Variants in MTCL3 observed in about 807,000 individuals in gnomAD.
MTCL3 encodes the protein MTCL family member 3.
At chr6:127,496,634 G>A in the MTCL3 span, among the ~76,000 whole-genome samples, 1 of 152,196 alleles carries the variant, frequency 6.6e-6, no homozygotes, top group African/African-American at 2.4e-5. Context: ...ATTCCTAGCA[G>A]CATTGTTCAT....
At chr6:127,483,904 A>G in the MTCL3 span, among the ~76,000 whole-genome samples, 1 of 152,208 alleles carries the variant, frequency 6.6e-6, no homozygotes, top group Non-Finnish European at 1.5e-5. Flanking sequence ...GCTGAAACTT[A>G]GCAGGGGAGG....
At chr6:127,506,323 G>T in the MTCL3 span, among the ~76,000 whole-genome samples, 9,797 of 152,140 alleles carry the variant, frequency 0.064, 369 homozygotes, top group East Asian at 0.11. Context: ...TGTACTATAT[G>T]GATTTTCTTC....
chr6:127,513,449 T>G, the MTCL3 span, among the ~76,000 whole-genome samples: 3 of 152,238 alleles, frequency 2.0e-5, no homozygotes, highest in Non-Finnish European at 4.4e-5. Context: ...AAATTTCCTT[T>G]ACTTCAGCAA....
chr6:127,476,587 G>A, the MTCL3 span: 3 of 773,280 alleles, frequency 3.9e-6, no homozygotes, highest in Non-Finnish European at 2.0e-6. The surrounding 1 kb of genome is among the most constrained non-coding windows in gnomAD (Gnocchi z 4.4). Flanking sequence ...TAATGACAGA[G>A]AGAAACAGAA....
At chr6:127,481,775 G>A in the MTCL3 span, among the ~76,000 whole-genome samples, 97 of 152,260 alleles carry the variant, frequency 6.4e-4, 2 homozygotes, top group Middle Eastern at 0.014. Flanking sequence ...TTGAATAGGA[G>A]CTGGGTAAAA....
At chr6:127,475,163 C>T in the MTCL3 span, 1 of 938,082 alleles carries the variant, frequency 1.1e-6, no homozygotes. The surrounding 1 kb of genome is among the most constrained non-coding windows in gnomAD (Gnocchi z 7.3). Flanking sequence ...GTTTCAGGCC[C>T]CAGCGCGGCC....
chr6:127,515,084 C>T, the MTCL3 span: 1 of 1,580,074 alleles, frequency 6.3e-7, no homozygotes, highest in East Asian at 2.2e-5. This position sits in a 1 kb window ranked among gnomAD's most constrained non-coding sequence, Gnocchi z 4.3. Flanking sequence ...AAATCAAACT[C>T]GCTTCCAGCC....
chr6:127,515,710 G>A, the MTCL3 span: 95 of 1,581,670 alleles, frequency 6.0e-5, no homozygotes, highest in Non-Finnish European at 7.9e-5. The surrounding 1 kb of genome is among the most constrained non-coding windows in gnomAD (Gnocchi z 4.3). Flanking sequence ...GACGGCCAGG[G>A]TCTCGCAAAC....
chr6:127,516,041 G>C, the MTCL3 span: 1 of 1,554,690 alleles, frequency 6.4e-7, no homozygotes, highest in Non-Finnish European at 8.6e-7. Context: ...CCCCTGGGCG[G>C]CGGCGGCTGC....
At chr6:127,491,770 C>A in the MTCL3 span, among the ~76,000 whole-genome samples, 3 of 150,538 alleles carry the variant, frequency 2.0e-5, no homozygotes, top group African/African-American at 7.4e-5. Context: ...ACTTAGGAAG[C>A]TGAGCCAGGA....
the MTCL3 span, among the ~76,000 whole-genome samples, chr6:127,485,619 G>T: frequency 2.0e-5 from 3 of 152,110 alleles, no homozygotes; most frequent in Non-Finnish European, 4.4e-5. Flanking sequence ...TCTAGTTCTG[G>T]AAATGTTTTT....
the MTCL3 span, among the ~76,000 whole-genome samples, chr6:127,505,176 T>C: frequency 2.0e-5 from 3 of 152,244 alleles, no homozygotes; most frequent in Non-Finnish European, 2.9e-5. Context: ...TCAGTTGTAA[T>C]TTCTACAGCG....
chr6:127,515,502 C>G, the MTCL3 span: 1 of 1,427,362 alleles, frequency 7.0e-7, no homozygotes. The surrounding 1 kb of genome is among the most constrained non-coding windows in gnomAD (Gnocchi z 4.3). Context: ...CGGGTCCCCC[C>G]ACCCTCCTCA....
At chr6:127,515,754 A>ACTG in the MTCL3 span, 3 of 1,600,306 alleles carry the variant, frequency 1.9e-6, no homozygotes, top group Non-Finnish European at 2.5e-6. The surrounding 1 kb of genome is among the most constrained non-coding windows in gnomAD (Gnocchi z 4.3). Context: ...AGCTGCGGCT[A>ACTG]CTGCTGCCGC....
chr6:127,484,214 C>A, the MTCL3 span, among the ~76,000 whole-genome samples: 1 of 152,108 alleles, frequency 6.6e-6, no homozygotes, highest in Non-Finnish European at 1.5e-5. Flanking sequence ...TAATTTCTAA[C>A]CCATATCCAC....
chr6:127,494,336 A>G, the MTCL3 span, among the ~76,000 whole-genome samples: 1 of 152,204 alleles, frequency 6.6e-6, no homozygotes, highest in Non-Finnish European at 1.5e-5. Context: ...TCTAGAAAAT[A>G]TAAGAGAGCT....
chr6:127,516,856 A>C, the MTCL3 span, among the ~76,000 whole-genome samples: 7 of 152,162 alleles, frequency 4.6e-5, no homozygotes, highest in Non-Finnish European at 8.8e-5. Flanking sequence ...GAGGGCTGTC[A>C]ATTCTCATTT....
the MTCL3 span, among the ~76,000 whole-genome samples, chr6:127,492,739 G>T: frequency 1.3e-5 from 2 of 152,126 alleles, no homozygotes; most frequent in African/African-American, 4.8e-5. Flanking sequence ...AGCCAGGGTG[G>T]TCTCAATCTC....
chr6:127,515,556 T>A, the MTCL3 span: 1 of 1,469,900 alleles, frequency 6.8e-7, no homozygotes. This position sits in a 1 kb window ranked among gnomAD's most constrained non-coding sequence, Gnocchi z 4.3. Flanking sequence ...CCATCTCCTC[T>A]TGCATTTCTT....
Sources: gnomAD v4.1 joint callset for allele counts (sites outside exome capture counted in the v4.1 genomes callset) on GRCh38, gnomAD v4.1.1 for gene constraint, Gnocchi (gnomAD v3.1) non-coding constraint, MANE v1.5 for transcripts, NCBI Gene and HGNC (gene_info 2026-07-23, HGNC 2026-07-21) for gene names.